Variants in RAB8B observed in about 807,000 individuals in gnomAD.
RAB8B encodes RAB8B, member RAS oncogene family.
In RAB8B, 11 loss-of-function variants were observed where a neutral mutation model predicts 32.0. The ratio of observed to expected loss-of-function variants is 0.34; its 90% confidence interval spans 0.22 to 0.57. The LOEUF is 0.57. Ranked by LOEUF, RAB8B falls within the 20% of genes least tolerant of loss-of-function variation. RAB8B has a pLI of 0.86. For synonymous variants in RAB8B, 103 were observed against 89.6 expected, an observed-to-expected ratio of 1.15 and a Z score of -0.85; for missense variants, 190 against 258.5, an observed-to-expected ratio of 0.73 and a Z score of 1.82.
chr15:63,189,636 G>T lies in RAB8B; in HGVS notation c.12G>T (p.Thr4=). Residue 4 remains threonine (T), a synonymous_variant, in exon 1 of 8, where the codon ACG becomes ACT. Coordinates refer to ENST00000321437, the MANE Select transcript of RAB8B (RefSeq NM_016530.3). ...GCCGGAGCGAGAAGATGGCGAAGAC[G>T]TACGATTATCTCTTCAAGCTCCTGC... is the stretch of plus-strand genomic sequence containing the variant. MAK[T]YDYLFKLLLI... is the part of the protein sequence containing the mutation. 1 of 1,613,792 alleles carries T rather than the reference G, an allele frequency of 6.2e-7. No homozygotes were observed. The highest frequency in any genetic ancestry group is 8.5e-7 in the Non-Finnish European group (1 of 1,179,850).
chr15:63,223,072 T>G, intron 1 of RAB8B: 1 of 456,018 alleles, frequency 2.2e-6, no homozygotes, highest in Non-Finnish European at 4.4e-6. Context: ...GCGCCTTTCA[T>G]GGTAAGTACC....
chr15:63,228,827 A>C (rs540102709), intron 1 of RAB8B, among the ~76,000 whole-genome samples: 16 of 152,394 alleles, frequency 1.0e-4, no homozygotes, highest in African/African-American at 3.1e-4. Context: ...AAGTATACTT[A>C]CAGTGAGTAC....
intron 1 of RAB8B, among the ~76,000 whole-genome samples, chr15:63,240,800 T>A (rs1162664856): frequency 1.0e-4 from 11 of 106,296 alleles, no homozygotes; most frequent in Non-Finnish European, 2.0e-4. Flanking sequence ...AAGGTAATGT[T>A]CCTAACAAAA....
intron 1 of RAB8B, among the ~76,000 whole-genome samples, chr15:63,210,996 A>G (rs1237118617): frequency 1.3e-5 from 2 of 152,206 alleles, no homozygotes; most frequent in Non-Finnish European, 2.9e-5. Flanking sequence ...AACCTGAGGA[A>G]ACCACTTTTG....
chr15:63,219,003 GATTT>G (rs890774637), intron 1 of RAB8B, among the ~76,000 whole-genome samples: 1 of 48,852 alleles, frequency 2.0e-5, no homozygotes, highest in African/African-American at 5.1e-5. Context: ...TCCAGCAGTG[GATTT>G]TTTTTTTTTT....
At chr15:63,235,858 A>T (rs1255429431) in intron 1 of RAB8B, among the ~76,000 whole-genome samples, 1 of 151,558 alleles carries the variant, frequency 6.6e-6, no homozygotes, top group East Asian at 1.9e-4. Flanking sequence ...GAGTATTCCT[A>T]CTCTACTTGT....
At position 63,192,103 on chromosome 15, in the gene RAB8B, T is replaced by A. The variant is rs559172818; in HGVS notation, c.124+2355T>A. ...ATGTGGTAAAAAGAGGTGTGAGCTG[T>A]GTCTTCAGTTGACGTGGAGGAGGGG... On this transcript the variant is annotated intron_variant, in intron 1 of 7. Transcript: ENST00000321437. 3.9e-5 allele frequency among the ~76,000 whole-genome samples: 6 copies of A among 152,312 alleles called. No individual in the cohort carries two copies. The East Asian group carries it at 9.6e-4, about 24-fold the overall frequency.
intron 1 of RAB8B, among the ~76,000 whole-genome samples, chr15:63,207,947 C>T (rs1460587055): frequency 7.0e-6 from 1 of 143,030 alleles, no homozygotes; most frequent in African/African-American, 2.4e-5. Flanking sequence ...CCCTCAATAC[C>T]TCTCTCCTGG....
chr15:63,233,558 A>C (rs1230340521), intron 1 of RAB8B, among the ~76,000 whole-genome samples: 1 of 152,158 alleles, frequency 6.6e-6, no homozygotes, highest in Non-Finnish European at 1.5e-5. Flanking sequence ...AATTCAAACC[A>C]AAAAAAGCAT....
rs143154006 is a variant in RAB8B, at chr15:63,195,218, C to A, written c.124+5470C>A. On this transcript the variant is annotated intron_variant, in intron 1 of 7. Transcript: ENST00000321437. ...TCTTTCAAAGCTGCCAGTAGATTTC[C>A]CATCTAAGCAATAGCATTGATAACG... 4.3e-3 allele frequency among the ~76,000 whole-genome samples: 656 copies of A among 152,280 alleles called. 4 individuals are homozygous for A. Among genetic ancestry groups the A allele is most frequent in the African/African-American group, 0.015 (633 of 41,560 alleles).
At chr15:63,258,682 T>A (rs2152584310) in intron 5 of RAB8B, among the ~76,000 whole-genome samples, 1 of 152,298 alleles carries the variant, frequency 6.6e-6, no homozygotes, top group South Asian at 2.1e-4. Context: ...TTTCTGGGGT[T>A]TAAATACCCT....
intron 1 of RAB8B, among the ~76,000 whole-genome samples, chr15:63,240,465 C>A (rs1399973562): frequency 6.6e-6 from 1 of 152,100 alleles, no homozygotes; most frequent in African/African-American, 2.4e-5. Context: ...GTCAAGCAGC[C>A]TGTTCACAAG....
intron 1 of RAB8B, chr15:63,222,982 G>A (rs750614613): frequency 3.5e-4 from 159 of 452,812 alleles, no homozygotes; most frequent in Non-Finnish European, 6.4e-4. Flanking sequence ...GTCTACAGTA[G>A]TGTACAGTAA....
chr15:63,241,338 G>A (rs1180404844), intron 1 of RAB8B, among the ~76,000 whole-genome samples: 1 of 152,168 alleles, frequency 6.6e-6, no homozygotes, highest in Non-Finnish European at 1.5e-5. Flanking sequence ...AACAGAAGGA[G>A]ACCCATCTCA....
intron 1 of RAB8B, among the ~76,000 whole-genome samples, chr15:63,242,328 A>C (rs1333545354): frequency 6.6e-6 from 1 of 152,026 alleles, no homozygotes; most frequent in Non-Finnish European, 1.5e-5. Flanking sequence ...GGGTGCTTTC[A>C]ATGTTTATAT....
At chr15:63,237,333 C>A (rs762169497) in intron 1 of RAB8B, among the ~76,000 whole-genome samples, 6 of 152,222 alleles carry the variant, frequency 3.9e-5, no homozygotes, top group African/African-American at 7.2e-5. Flanking sequence ...AGTGGCTGTA[C>A]TAATTTGCAT....
intron 1 of RAB8B, among the ~76,000 whole-genome samples, chr15:63,240,055 G>A (rs1032714142): frequency 1.3e-5 from 2 of 152,100 alleles, no homozygotes; most frequent in Non-Finnish European, 2.9e-5. Context: ...GGCCCACTGA[G>A]AGAAGCAAAA....
intron 1 of RAB8B, among the ~76,000 whole-genome samples, chr15:63,233,829 A>G (rs2037955672): frequency 6.6e-6 from 1 of 152,180 alleles, no homozygotes; most frequent in Non-Finnish European, 1.5e-5. Context: ...TAACTGTAAA[A>G]GCACAGTATT....
At chr15:63,209,914 C>G (rs763010918) in intron 1 of RAB8B, among the ~76,000 whole-genome samples, 105 of 152,066 alleles carry the variant, frequency 6.9e-4, no homozygotes, top group Non-Finnish European at 1.3e-3. Flanking sequence ...CCCCACTCCC[C>G]AACAGGCCCC....
Sources: allele counts gnomAD v4.1 joint callset (sites outside exome capture counted in the v4.1 genomes callset), GRCh38; gene constraint gnomAD v4.1.1; transcripts MANE v1.5; gene names NCBI Gene and HGNC (gene_info 2026-07-23, HGNC 2026-07-21).